FMNL2: variants seen among roughly 807,000 people sequenced by gnomAD.
FMNL2 encodes the protein formin like 2, also known as formin-like protein 2.
Under a neutral mutation model 130.2 loss-of-function variants are expected in FMNL2, and 51 were observed. That is an observed-to-expected ratio of 0.39 (90% CI 0.31 to 0.49). The LOEUF (loss-of-function observed/expected upper bound fraction) is 0.49. FMNL2 is among the 20% of genes least tolerant of loss of function. The pLI, the probability that FMNL2 is intolerant of heterozygous loss-of-function variation, is 0.85. For missense variants in FMNL2, 977 were observed against 1,316.2 expected, an observed-to-expected ratio of 0.74 and a Z score of 3.99; for synonymous variants, 465 against 467.1, an observed-to-expected ratio of 1.00 and a Z score of 0.06.
In FMNL2 at chr2:152,425,943, C is replaced by T. The variant is rs567059857; in HGVS notation, c.117+90223C>T. Among the ~76,000 whole-genome samples the T allele has an allele frequency of 2.0e-5, 3 of 152,262 alleles. No individual in the cohort carries two copies. The South Asian group carries it at 6.2e-4, about 32-fold the overall frequency. On this transcript the variant is annotated intron_variant, in intron 1 of 25. Coordinates refer to ENST00000288670, the MANE Select transcript of FMNL2 (RefSeq NM_052905.4). ...CAGAGAGGGTTGCAGGACCTTTTAG[C>T]AATTTTCTGTGGAGGATTCTCTGAC...
intron 1 of FMNL2, among the ~76,000 whole-genome samples, chr2:152,410,060 GT>G (rs1158532388): frequency 1.3e-5 from 2 of 152,164 alleles, no homozygotes; most frequent in Non-Finnish European, 2.9e-5. Flanking sequence ...GAACAATACA[GT>G]TCTGTCTCGG....
chr2:152,509,763 T>TTTTTG (rs1198654296), intron 1 of FMNL2, among the ~76,000 whole-genome samples: 4 of 144,654 alleles, frequency 2.8e-5, no homozygotes, highest in South Asian at 2.3e-4. Context: ...TTTTTTTTTT[T>TTTTTG]GAGAGAGGGT....
chr2:152,536,487 G>T (rs1164173477), intron 2 of FMNL2, among the ~76,000 whole-genome samples: 1 of 152,154 alleles, frequency 6.6e-6, no homozygotes, highest in Non-Finnish European at 1.5e-5. Flanking sequence ...CTTCCAGGAA[G>T]AAAACATTCA....
chr2:152,584,475 G>T (rs915822932), intron 9 of FMNL2, among the ~76,000 whole-genome samples: 5 of 152,114 alleles, frequency 3.3e-5, no homozygotes, highest in African/African-American at 1.2e-4. Context: ...GTGAAGTAGG[G>T]GAGTTCAACA....
At chr2:152,376,742 C>T (rs1369750292) in intron 1 of FMNL2, among the ~76,000 whole-genome samples, 1 of 152,174 alleles carries the variant, frequency 6.6e-6, no homozygotes, top group African/African-American at 2.4e-5. Flanking sequence ...GGCAGCCCTG[C>T]TTTTTAGGGC....
In FMNL2 at chr2:152,636,566, G is replaced by A. The variant is rs1351029992; in HGVS notation, c.2820G>A (p.Leu940=). The A allele has an allele frequency of 3.8e-6, 6 of 1,568,016 alleles. No homozygotes were observed. Among genetic ancestry groups the A allele is most frequent in the Non-Finnish European group, 4.3e-6 (5 of 1,155,598 alleles). ...ACAATGAGGGGAAGCTGAAGAAGCT[G>A]CAGGATGATGCCAAGATCGCACAGG... ...ILNNEGKLKK[L]QDDAKIAQDA... Residue 940 remains leucine (L), a synonymous_variant, in exon 22 of 26, where the codon CTG becomes CTA. Coordinates refer to ENST00000288670, the MANE Select transcript of FMNL2 (RefSeq NM_052905.4).
chr2:152,643,515 T>C (rs929945512), intron 25 of FMNL2: 72 of 1,536,010 alleles, frequency 4.7e-5, no homozygotes, highest in Non-Finnish European at 5.9e-5. Flanking sequence ...TACTAAACTA[T>C]TACTCTTTCT....
intron 1 of FMNL2, among the ~76,000 whole-genome samples, chr2:152,393,004 C>A (rs1037660358): frequency 1.3e-5 from 2 of 152,112 alleles, no homozygotes; most frequent in Non-Finnish European, 2.9e-5. Flanking sequence ...GGTCCTCTTT[C>A]AGGCCTCCAG....
chr2:152,432,712 C>T (rs1687561991), intron 1 of FMNL2, among the ~76,000 whole-genome samples: 1 of 152,176 alleles, frequency 6.6e-6, no homozygotes, highest in Non-Finnish European at 1.5e-5. Flanking sequence ...GTTGAATTGG[C>T]ATAGGGGGCC....
chr2:152,381,900 A>G (rs1453408351), intron 1 of FMNL2, among the ~76,000 whole-genome samples: 1 of 151,906 alleles, frequency 6.6e-6, no homozygotes, highest in Non-Finnish European at 1.5e-5. Context: ...CAGGCTCAAT[A>G]GATCTGCCCA....
intron 1 of FMNL2, among the ~76,000 whole-genome samples, chr2:152,509,739 T>TTTTTTTTTTTG: frequency 9.2e-6 from 1 of 109,090 alleles, no homozygotes. Context: ...CTCTGGACCT[T>TTTTTTTTTTTG]TTTTTTTTTT....
In FMNL2 at chr2:152,556,528, T is replaced by A. The variant is rs1176830160; in HGVS notation, c.360-2212T>A. ...AAGTGAAGTAAGAGGAGCCAATGAG[T>A]ATTCTTTATCCCTGCATTAAAACGT... On this transcript the variant is annotated intron_variant, in intron 4 of 25. Transcript: ENST00000288670. Among the ~76,000 whole-genome samples, 2 of 152,196 alleles carry A rather than the reference T, an allele frequency of 1.3e-5. 1 individual carries two copies. Among genetic ancestry groups the A allele is most frequent in the Non-Finnish European group, 2.9e-5 (2 of 68,034 alleles).
intron 1 of FMNL2, among the ~76,000 whole-genome samples, chr2:152,377,973 A>G (rs1042138903): frequency 4.6e-5 from 7 of 152,082 alleles, no homozygotes; most frequent in Non-Finnish European, 8.8e-5. Flanking sequence ...TTAGCCAGGC[A>G]TGGTGGCACA....
At chr2:152,480,195 A>G (rs185955286) in intron 1 of FMNL2, among the ~76,000 whole-genome samples, 1 of 152,316 alleles carries the variant, frequency 6.6e-6, no homozygotes, top group East Asian at 1.9e-4. Context: ...TCTAGGATAC[A>G]TCACACAGCA....
chr2:152,627,798 T>C (rs189351655), intron 17 of FMNL2, among the ~76,000 whole-genome samples: 1 of 152,348 alleles, frequency 6.6e-6, no homozygotes, highest in East Asian at 1.9e-4. Context: ...GGCATTTGGA[T>C]GCATTTTTTT....
chr2:152,348,694 G>A (rs1004512733), intron 1 of FMNL2, among the ~76,000 whole-genome samples: 20 of 152,110 alleles, frequency 1.3e-4, no homozygotes, highest in African/African-American at 4.8e-4. Context: ...AGAGGAGGAG[G>A]GCAGTTTATA....
intron 1 of FMNL2, among the ~76,000 whole-genome samples, chr2:152,400,281 A>G (rs1685614606): frequency 6.6e-6 from 1 of 152,190 alleles, no homozygotes; most frequent in Admixed American, 6.5e-5. Flanking sequence ...AAAAATACAA[A>G]AAGCAGCTGG....
rs1190425593 is a variant in FMNL2, at chr2:152,648,802, TTTC to T, written c.*900_*902del. On this transcript the variant is annotated 3_prime_UTR_variant, in exon 26 of 26. Transcript: ENST00000288670. ...TACTCTCCTCTGACAATCGCAATTT[TTTC>T]TTATTTTTTATAAATTCAAGAAGAT... 6.6e-6 allele frequency: 1 copy of T among 152,644 alleles called. No individual in the cohort carries two copies. The highest frequency in any genetic ancestry group is 1.5e-5 in the Non-Finnish European group (1 of 68,040). The allele number at this position is 152,644 out of a possible 1,614,324, so 9.5% of individuals were successfully genotyped here.
chr2:152,483,191 C>T (rs1690629220), intron 1 of FMNL2, among the ~76,000 whole-genome samples: 1 of 152,036 alleles, frequency 6.6e-6, no homozygotes, highest in Admixed American at 6.6e-5. Context: ...AACACACACG[C>T]AAACAGAAAC....
Sources: gnomAD v4.1 joint callset for allele counts (sites outside exome capture counted in the v4.1 genomes callset) on GRCh38, gnomAD v4.1.1 for gene constraint, MANE v1.5 for transcripts, NCBI Gene and HGNC (gene_info 2026-07-23, HGNC 2026-07-21) for gene names.